C14orf39: variants seen among roughly 807,000 people sequenced by gnomAD.
C14orf39 encodes protein SIX6OS1.
Under a neutral mutation model 85.6 loss-of-function variants are expected in C14orf39, and 66 were observed. That is an observed-to-expected ratio of 0.77 (90% CI 0.63 to 0.95). The LOEUF (loss-of-function observed/expected upper bound fraction) is 0.95, where lower values mean the gene tolerates loss of function less well. C14orf39 is among the 40% of genes least tolerant of loss of function. The pLI is 0.00. For missense variants in C14orf39, 735 were observed against 663.9 expected (o/e 1.11, Z -1.18); for synonymous variants, 242 against 214.0 (o/e 1.13, Z -1.14).
upstream of C14orf39, among the ~76,000 whole-genome samples, chr14:60,486,956 TTTAC>T (rs1443625811): frequency 6.6e-6 from 1 of 152,148 alleles, no homozygotes; most frequent in Non-Finnish European, 1.5e-5. Context: ...TGAAAAATCT[TTTAC>T]TTAGTTTTTC....
chr14:60,495,672 C>A, intron 2 of C14orf39: 1 of 203,770 alleles, frequency 4.9e-6, no homozygotes, highest in South Asian at 9.5e-5. Flanking sequence ...GTGGTGAAGC[C>A]ATGACCACAG....
At position 60,451,758 on chromosome 14, in the gene C14orf39, G is replaced by C. The variant is rs188906515; in HGVS notation, c.1503+3243C>G. ...TGTAAATGACGAGTTAATGGGTGCA[G>C]CACACCAACATGGCAAATGTATACA... is the stretch of plus-strand genomic sequence containing the variant. On this transcript the variant is annotated intron_variant, in intron 16 of 17. Coordinates refer to ENST00000321731, the MANE Select transcript of C14orf39 (RefSeq NM_174978.3). Among the ~76,000 whole-genome samples the C allele has an allele frequency of 3.4e-4, 52 of 151,912 alleles. 1 individual carries two copies. In the Middle Eastern group the frequency reaches 0.017, roughly 50 times the overall value.
Position 60,466,058 on chromosome 14 carries a change from A to C in C14orf39, c.896-3T>G. 6.9e-7 allele frequency: 1 copy of C among 1,441,676 alleles called. No individual in the cohort carries two copies. The highest frequency in any genetic ancestry group is 9.4e-7 in the Non-Finnish European group (1 of 1,067,682). 89.3% of individuals were successfully genotyped at this position (1,441,676 alleles called of 1,614,324 possible). A position where few individuals can be genotyped will look rare whatever the true frequency, so the allele number is the denominator to read the frequency against. The stretch of plus-strand genomic sequence containing the variant: ...CGCAGAACTTTCTTCTTTTATATCT[A>C]GATTATTAAATAGTACTACTTTAAA... On this transcript the variant is annotated splice_polypyrimidine_tract_variant and splice_region_variant and intron_variant, in intron 10 of 17. Transcript: ENST00000321731.
chr14:60,453,032 A>G (rs533589941), intron 16 of C14orf39, among the ~76,000 whole-genome samples: 1 of 152,222 alleles, frequency 6.6e-6, no homozygotes, highest in East Asian at 1.9e-4. Context: ...TATATGCTGC[A>G]GTTGCTGGAT....
intron 1 of C14orf39, chr14:60,509,510 C>T (rs1374049884): frequency 1.2e-6 from 2 of 1,605,252 alleles, no homozygotes; most frequent in Non-Finnish European, 1.7e-6. Context: ...CTGGTCGCTG[C>T]CCGTGGCCCC....
chr14:60,457,371 G>GA (rs1004170646), intron 14 of C14orf39, among the ~76,000 whole-genome samples: 5 of 151,250 alleles, frequency 3.3e-5, no homozygotes, highest in East Asian at 1.9e-4. Flanking sequence ...TGGAATTGAT[G>GA]AAAAAAAAGA....
intron 5 of C14orf39, among the ~76,000 whole-genome samples, chr14:60,473,501 T>C (rs186637394): frequency 3.2e-4 from 48 of 152,324 alleles, no homozygotes; most frequent in African/African-American, 9.9e-4. Flanking sequence ...TGAATGGTAT[T>C]GCCTAGGTTT....
chr14:60,478,693 C>T (rs1329271625), intron 4 of C14orf39, among the ~76,000 whole-genome samples: 1 of 152,100 alleles, frequency 6.6e-6, no homozygotes, highest in African/African-American at 2.4e-5. Context: ...CTATTATACA[C>T]TCTGTAACAC....
At chr14:60,474,217 A>G (rs566914566) in intron 5 of C14orf39, among the ~76,000 whole-genome samples, 1 of 152,140 alleles carries the variant, frequency 6.6e-6, no homozygotes, top group Non-Finnish European at 1.5e-5. Context: ...TTATTGGTGT[A>G]TAAGAATGCT....
At chr14:60,474,718 T>C (rs1892282720) in intron 5 of C14orf39, among the ~76,000 whole-genome samples, 1 of 152,078 alleles carries the variant, frequency 6.6e-6, no homozygotes, top group African/African-American at 2.4e-5. Context: ...GATTTGCATA[T>C]GTTGAACCAG....
At position 60,510,981 on chromosome 14, in the gene C14orf39, A is replaced by G. The variant is rs555315402; in HGVS notation, c.-144+4414T>C. ...CGCCTTAACTGCTGGGGTCTTCGGAAGAACCTCTAGCCGCCGGGCTGGAGG... is the reference window on the plus strand; with the variant it reads ...CGCCTTAACTGCTGGGGTCTTCGGAGGAACCTCTAGCCGCCGGGCTGGAGG... On this transcript the variant is annotated intron_variant, in intron 1 of 5. Coordinates refer to the C14orf39 transcript ENST00000556799. The G allele has an allele frequency of 1.9e-5, 24 of 1,243,688 alleles. No homozygotes were observed. In the East Asian group the frequency reaches 5.6e-4, roughly 29 times the overall value. The allele number at this position is 1,243,688 out of a possible 1,614,324, so 77.0% of individuals were successfully genotyped here.
At chr14:60,462,587 T>G (rs1485068678) in intron 11 of C14orf39, among the ~76,000 whole-genome samples, 1 of 152,128 alleles carries the variant, frequency 6.6e-6, no homozygotes, top group Non-Finnish European at 1.5e-5. Context: ...AATTCTGTCA[T>G]CTTACTGTGC....
intron 1 of C14orf39, chr14:60,511,677 A>G (rs1893296667): frequency 3.7e-6 from 1 of 270,688 alleles, no homozygotes; most frequent in African/African-American, 2.2e-5. Context: ...TACTTATTTA[A>G]GAGACCGCCA....
chr14:60,466,997 CT>C lies in C14orf39; in HGVS notation c.814del (p.Ser272AlafsTer13). 1 of 1,466,482 alleles carries C rather than the reference CT, an allele frequency of 6.8e-7. No homozygotes were observed. 90.8% of individuals were successfully genotyped at this position (1,466,482 alleles called of 1,614,324 possible). ...TTCATAAGGAAGAAATAATTGACTG[CT>C]TTGAGTTTTATTCAATGTAAGTACA... is the stretch of plus-strand genomic sequence containing the variant. ...EHVLTLNKTQ[S>X]SQLFLPYESQ... On this transcript the variant is annotated frameshift_variant, in exon 10 of 18. Coordinates refer to ENST00000321731, the MANE Select transcript of C14orf39 (RefSeq NM_174978.3). LOFTEE classifies it high-confidence loss of function.
intron 1 of C14orf39, among the ~76,000 whole-genome samples, chr14:60,508,522 G>A (rs1255656405): frequency 3.3e-5 from 5 of 152,136 alleles, no homozygotes; most frequent in Non-Finnish European, 7.4e-5. Context: ...ATTTTAGTGG[G>A]CTTTGAAGGG....
At chr14:60,510,569 T>G (rs1258452476) in intron 1 of C14orf39, among the ~76,000 whole-genome samples, 1 of 109,866 alleles carries the variant, frequency 9.1e-6, no homozygotes, top group Admixed American at 8.8e-5. Flanking sequence ...GCCAAACATT[T>G]TGCGGAAGAG....
intron 5 of C14orf39, among the ~76,000 whole-genome samples, chr14:60,475,851 GA>G (rs1892348515): frequency 6.6e-6 from 1 of 152,014 alleles, no homozygotes; most frequent in Non-Finnish European, 1.5e-5. Flanking sequence ...AAAAATTTTT[GA>G]AAATATATAG....
At position 60,458,810 on chromosome 14, in the gene C14orf39, T is replaced by C. The variant is rs73307408; in HGVS notation, c.1118-71A>G. 8,168 of 1,292,314 alleles carry C rather than the reference T, an allele frequency of 6.3e-3. 373 individuals carry two copies. The African/African-American group carries it at 0.1, about 16-fold the overall frequency. The allele number at this position is 1,292,314 out of a possible 1,614,324, so 80.1% of individuals were successfully genotyped here. A position where few individuals can be genotyped will look rare whatever the true frequency, so the allele number is the denominator to read the frequency against. ...TGTAAAATAAAACATAGTCTCGCCA[T>C]TTGAAATTGCTAATATTTAGCTGTT... is the stretch of plus-strand genomic sequence containing the variant. On this transcript the variant is annotated intron_variant, in intron 13 of 17. Transcript: ENST00000321731.
chr14:60,466,500 T>C lies in C14orf39; in HGVS notation c.895+417A>G, dbSNP rs114687874. Among the ~76,000 whole-genome samples, 627 of 152,062 alleles carry C rather than the reference T, an allele frequency of 4.1e-3. 4 individuals are homozygous for C. Among genetic ancestry groups the C allele is most frequent in the African/African-American group, 0.014 (577 of 41,532 alleles). On this transcript the variant is annotated intron_variant, in intron 10 of 17. Transcript: ENST00000321731. ...CATGATTACTTTTGCACCAACCTAA[T>C]AGTTAATTTAATCTGCAGAGCCACT...
Sources: allele counts gnomAD v4.1 joint callset (sites outside exome capture counted in the v4.1 genomes callset), GRCh38; gene constraint gnomAD v4.1.1; transcripts MANE v1.5; gene names NCBI Gene and HGNC (gene_info 2026-07-23, HGNC 2026-07-21).